Variants in AVEN observed in about 807,000 individuals in gnomAD.
AVEN encodes cell death regulator Aven.
AVEN carries 41 observed loss-of-function variants against 38.1 expected under a neutral mutation model. The ratio of observed to expected loss-of-function variants is 1.08; its 90% confidence interval spans 0.84 to 1.40. The LOEUF (loss-of-function observed/expected upper bound fraction) is 1.40, where lower values mean the gene tolerates loss of function less well. AVEN is among the 40% of genes most tolerant of loss of function. The probability of loss-of-function intolerance (pLI) is 0.00; values close to 1 mark genes in which losing one functional copy is unlikely to be tolerated. For missense variants in AVEN, 605 were observed against 438.8 expected, an observed-to-expected ratio of 1.38 and a Z score of -3.38; for synonymous variants, 206 against 171.8, an observed-to-expected ratio of 1.20 and a Z score of -1.56.
intron 4 of AVEN, among the ~76,000 whole-genome samples, chr15:33,869,134 G>A (rs1242187636): frequency 2.0e-5 from 3 of 152,134 alleles, no homozygotes; most frequent in South Asian, 2.1e-4. Flanking sequence ...TCAGTCAGTT[G>A]TACAGGGCAA....
intron 2 of AVEN, among the ~76,000 whole-genome samples, chr15:33,983,215 C>CATATATATATACTAATAATAAATACATAT (rs148035145): frequency 8.9e-6 from 1 of 111,784 alleles, no homozygotes; most frequent in Non-Finnish European, 1.7e-5. Flanking sequence ...TATATATATA[C>CATATATATATACTAATAATAAATACATAT]ATATATATAC....
chr15:33,889,086 AT>A (rs1359152379), intron 2 of AVEN, among the ~76,000 whole-genome samples: 4 of 152,186 alleles, frequency 2.6e-5, no homozygotes, highest in Non-Finnish European at 5.9e-5. Context: ...TAAAATTATT[AT>A]TTTAATTTGT....
intron 2 of AVEN, among the ~76,000 whole-genome samples, chr15:33,966,687 C>T (rs371364767): frequency 6.6e-5 from 10 of 151,962 alleles, no homozygotes; most frequent in African/African-American, 2.4e-4. Context: ...AGACAGAGAA[C>T]CTGAATGAGA....
At chr15:33,885,221 G>C (rs575672874) in intron 2 of AVEN, among the ~76,000 whole-genome samples, 1 of 152,132 alleles carries the variant, frequency 6.6e-6, no homozygotes, top group East Asian at 1.9e-4. Context: ...CACCGCAATG[G>C]CTGCTACCAA....
At chr15:33,936,511 T>A (rs564293800) in intron 2 of AVEN, among the ~76,000 whole-genome samples, 1 of 152,210 alleles carries the variant, frequency 6.6e-6, no homozygotes, top group South Asian at 2.1e-4. Context: ...ATGGGGAAAT[T>A]TGCCATGATC....
intron 1 of AVEN, 130 bp from the exon 2 acceptor site, chr15:34,003,339 A>T: frequency 1.3e-6 from 1 of 758,714 alleles, no homozygotes; most frequent in Non-Finnish European, 2.1e-6. Flanking sequence ...GAAGATATTA[A>T]ATATTATTTT....
At chr15:34,048,113 C>A (rs1899785461) in intron 5 of AVEN, among the ~76,000 whole-genome samples, 1 of 152,140 alleles carries the variant, frequency 6.6e-6, no homozygotes, top group Non-Finnish European at 1.5e-5. Context: ...TGAACTCAAG[C>A]AATCCACTTG....
chr15:33,903,223 T>C (rs1892559019), intron 2 of AVEN, among the ~76,000 whole-genome samples: 1 of 152,200 alleles, frequency 6.6e-6, no homozygotes, highest in Admixed American at 6.5e-5. Flanking sequence ...TAGTATTATG[T>C]GGTGGCAACT....
intron 1 of AVEN, among the ~76,000 whole-genome samples, chr15:34,023,137 C>A (rs1004755698): frequency 6.6e-6 from 1 of 152,032 alleles, no homozygotes; most frequent in African/African-American, 2.4e-5. Context: ...ACTGAGATCG[C>A]GCCACTGCGC....
intron 2 of AVEN, among the ~76,000 whole-genome samples, chr15:33,977,518 G>A (rs1895939012): frequency 6.6e-6 from 1 of 152,132 alleles, no homozygotes; most frequent in South Asian, 2.1e-4. Context: ...TCAGGGTGTT[G>A]TATCCCAGCC....
At chr15:34,070,257 G>A (rs888086761) in intron 2 of AVEN, among the ~76,000 whole-genome samples, 1 of 152,150 alleles carries the variant, frequency 6.6e-6, no homozygotes, top group Non-Finnish European at 1.5e-5. Flanking sequence ...CGTCCCACAA[G>A]ACATGGGGAT....
chr15:33,897,683 G>A (rs1002658560), intron 2 of AVEN, among the ~76,000 whole-genome samples: 10 of 151,834 alleles, frequency 6.6e-5, no homozygotes, highest in Admixed American at 5.9e-4. Context: ...TTCAAGACCA[G>A]TCTGGGCAAC....
intron 4 of AVEN, chr15:34,065,138 A>G (rs376687437): frequency 6.2e-6 from 1 of 160,496 alleles, no homozygotes; most frequent in African/African-American, 2.4e-5. Flanking sequence ...TTTTATCTAA[A>G]CAGATATTGT....
intron 2 of AVEN, among the ~76,000 whole-genome samples, chr15:33,916,921 A>G (rs1453789659): frequency 6.6e-6 from 1 of 152,184 alleles, no homozygotes. Flanking sequence ...CCTTCTTCAC[A>G]TCGCAGCAGC....
At chr15:33,862,464 C>T (rs192334535), downstream of AVEN, among the ~76,000 whole-genome samples, 1 of 152,196 alleles carries the variant, frequency 6.6e-6, no homozygotes, top group Admixed American at 6.5e-5. Flanking sequence ...ACCTTGGCCT[C>T]CCAGAGTGCT....
At chr15:33,853,103 G>A in the AVEN span, 1 of 1,579,502 alleles carries the variant, frequency 6.3e-7, no homozygotes, top group Non-Finnish European at 8.6e-7. Context: ...CCTTGTTAGT[G>A]GGGGTGAGTT....
chr15:33,950,271 A>G (rs1265788732), intron 2 of AVEN, among the ~76,000 whole-genome samples: 1 of 152,230 alleles, frequency 6.6e-6, no homozygotes, highest in African/African-American at 2.4e-5. Context: ...TAAGTTCTGG[A>G]GATCTAACAA....
At chr15:33,899,730 T>G (rs1289159053) in intron 2 of AVEN, among the ~76,000 whole-genome samples, 2 of 152,082 alleles carry the variant, frequency 1.3e-5, no homozygotes, top group Non-Finnish European at 2.9e-5. Flanking sequence ...CCTCCCAAAG[T>G]GCTGAGATGA....
intron 2 of AVEN, among the ~76,000 whole-genome samples, chr15:33,902,632 G>A (rs924241129): frequency 2.6e-5 from 4 of 152,174 alleles, no homozygotes; most frequent in African/African-American, 9.7e-5. Flanking sequence ...TCTATCTGGA[G>A]ATGACATGAT....
Sources: gnomAD v4.1 joint callset for allele counts (sites outside exome capture counted in the v4.1 genomes callset) on GRCh38, gnomAD v4.1.1 for gene constraint, MANE v1.5 for transcripts, NCBI Gene and HGNC (gene_info 2026-07-23, HGNC 2026-07-21) for gene names.